Variants in SLC1A2 observed in about 807,000 individuals in gnomAD.
SLC1A2 encodes the protein solute carrier family 1 member 2.
A neutral mutation model predicts 48.8 loss-of-function variants in SLC1A2; 15 were observed. The observed-to-expected ratio is 0.31, with a 90% confidence interval of 0.21 to 0.47. The LOEUF (loss-of-function observed/expected upper bound fraction) is 0.47. Among genes scored for constraint, SLC1A2 ranks in the 20% least tolerant of loss-of-function variants. The probability of loss-of-function intolerance (pLI) is 0.99; values close to 1 mark genes in which losing one functional copy is unlikely to be tolerated. For missense variants in SLC1A2, 502 were observed against 730.5 expected (o/e 0.69, Z 3.61); for synonymous variants, 279 against 272.6 (o/e 1.02, Z -0.23).
chr11:35,308,974 A>G (rs1439867054), intron 4 of SLC1A2, among the ~76,000 whole-genome samples: 1 of 152,070 alleles, frequency 6.6e-6, no homozygotes, highest in East Asian at 1.9e-4. Context: ...TCCACTCACT[A>G]TACCTCCACA....
intron 8 of SLC1A2, among the ~76,000 whole-genome samples, chr11:35,282,873 G>A (rs1397949566): frequency 2.0e-5 from 3 of 152,116 alleles, no homozygotes; most frequent in Non-Finnish European, 2.9e-5. Flanking sequence ...CCTCCGGTAG[G>A]CACTGTCTCT....
At chr11:35,311,987 G>GA (rs1234341730) in intron 4 of SLC1A2, among the ~76,000 whole-genome samples, 2 of 131,240 alleles carry the variant, frequency 1.5e-5, no homozygotes, top group South Asian at 2.7e-4. Flanking sequence ...AAGTGAGCTG[G>GA]AAAAAAAGGG....
chr11:35,317,730 G>A (rs1009280916), intron 1 of SLC1A2, among the ~76,000 whole-genome samples: 7 of 152,306 alleles, frequency 4.6e-5, no homozygotes, highest in Middle Eastern at 6.8e-3. Context: ...AAGGAACACC[G>A]CATGCAATGG....
At chr11:35,370,594 C>T (rs994451529) in intron 1 of SLC1A2, among the ~76,000 whole-genome samples, 2 of 152,054 alleles carry the variant, frequency 1.3e-5, no homozygotes, top group African/African-American at 4.8e-5. Context: ...GCCCAAAGAA[C>T]AGAGTGAGTG....
intron 1 of SLC1A2, among the ~76,000 whole-genome samples, chr11:35,325,753 A>G (rs1852222666): frequency 6.6e-6 from 1 of 152,138 alleles, no homozygotes; most frequent in Non-Finnish European, 1.5e-5. Flanking sequence ...GCCTGAGGTC[A>G]GGAGTTTCAG....
rs1950283533 is a variant in SLC1A2, at chr11:35,254,264, T to C, written c.*6630A>G. 6.5e-6 allele frequency: 1 copy of C among 152,852 alleles called. No homozygotes were observed. Among genetic ancestry groups the C allele is most frequent in the African/African-American group, 2.4e-5 (1 of 41,454 alleles). The allele number at this position is 152,852 out of a possible 1,614,324, so 9.5% of individuals were successfully genotyped here. A position where few individuals can be genotyped will look rare whatever the true frequency, so the allele number is the denominator to read the frequency against. On this transcript the variant is annotated 3_prime_UTR_variant, in exon 11 of 11. Coordinates refer to ENST00000278379, the MANE Select transcript of SLC1A2 (RefSeq NM_004171.4). ...AAATCTCTATAGTGACCAGATAATCTGATCTGTGTTGTGCAACATGGAGAT... is the reference window on the plus strand; with the variant it reads ...AAATCTCTATAGTGACCAGATAATCCGATCTGTGTTGTGCAACATGGAGAT...
intron 9 of SLC1A2, among the ~76,000 whole-genome samples, chr11:35,277,819 G>A (rs1304075322): frequency 1.3e-5 from 2 of 152,190 alleles, no homozygotes; most frequent in Non-Finnish European, 2.9e-5. Flanking sequence ...GTGGTTAAGA[G>A]TAGCTCACAT....
intron 1 of SLC1A2, among the ~76,000 whole-genome samples, chr11:35,351,070 T>G (rs964927394): frequency 6.6e-6 from 1 of 152,220 alleles, no homozygotes; most frequent in Non-Finnish European, 1.5e-5. Context: ...AATATACTAA[T>G]GATGGCTAAC....
chr11:35,336,051 C>G (rs2135009769), intron 1 of SLC1A2, among the ~76,000 whole-genome samples: 1 of 152,092 alleles, frequency 6.6e-6, no homozygotes, highest in South Asian at 2.1e-4. Context: ...TTATCCTCAT[C>G]AAACTAATAC....
chr11:35,295,080 C>T (rs1244547341), intron 6 of SLC1A2, among the ~76,000 whole-genome samples: 2 of 151,918 alleles, frequency 1.3e-5, no homozygotes, highest in East Asian at 3.9e-4. Flanking sequence ...CAGAGTCTTG[C>T]TCTGTTAGCC....
rs1950284152 is a variant in SLC1A2 at position 35,254,336 on chromosome 11, G to C, written c.*6558C>G. 1 of 158,054 alleles carries C rather than the reference G, an allele frequency of 6.3e-6. No homozygotes were observed. The highest frequency in any genetic ancestry group is 2.4e-5 in the African/African-American group (1 of 41,474). 9.8% of individuals were successfully genotyped at this position (158,054 alleles called of 1,614,324 possible). On this transcript the variant is annotated 3_prime_UTR_variant, in exon 11 of 11. Coordinates refer to ENST00000278379, the MANE Select transcript of SLC1A2 (RefSeq NM_004171.4). ...AGAAAGAGAAAGGGAGGGAGTTAAG[G>C]TGATTTGTAGAAAAATCTAGATGCC...
chr11:35,396,527 TG>T (rs1366478957), intron 1 of SLC1A2, among the ~76,000 whole-genome samples: 3 of 149,332 alleles, frequency 2.0e-5, no homozygotes, highest in African/African-American at 7.4e-5. Flanking sequence ...TGGGGTTGTT[TG>T]TTTTTTTCTT....
chr11:35,356,101 G>A (rs984950157), intron 1 of SLC1A2, among the ~76,000 whole-genome samples: 2 of 152,118 alleles, frequency 1.3e-5, no homozygotes, highest in East Asian at 3.9e-4. Context: ...TTCTGAGCAG[G>A]TTGTAGGATG....
rs576247802 is a variant in SLC1A2, at chr11:35,389,618, G to A, written c.17+29332C>T. ...CCGGAGTAGCTGGGATTACAGGCAC[G>A]AGCCACTATGTCTGGCTAATTTTTG... On this transcript the variant is annotated intron_variant, in intron 1 of 10. Transcript: ENST00000278379. Among the ~76,000 whole-genome samples the A allele has an allele frequency of 7.4e-3, 1,123 of 152,018 alleles. 17 individuals carry two copies. The highest frequency in any genetic ancestry group is 0.026 in the African/African-American group (1,066 of 41,448).
intron 1 of SLC1A2, among the ~76,000 whole-genome samples, chr11:35,336,595 T>A (rs890316980): frequency 1.3e-5 from 2 of 152,218 alleles, no homozygotes; most frequent in African/African-American, 2.4e-5. Flanking sequence ...AGTGCTATTA[T>A]TATCCTCATT....
At chr11:35,387,564 G>A (rs542727374) in intron 1 of SLC1A2, among the ~76,000 whole-genome samples, 40 of 152,266 alleles carry the variant, frequency 2.6e-4, no homozygotes, top group Admixed American at 1.8e-3. Flanking sequence ...GAAAGTATTT[G>A]GTTGCCATGG....
In SLC1A2 at chr11:35,409,497, C is replaced by A. The variant is rs866491341; in HGVS notation, c.17+9453G>T. 1.2e-4 allele frequency among the ~76,000 whole-genome samples: 18 copies of A among 152,296 alleles called. No individual in the cohort carries two copies. In the Middle Eastern group the frequency reaches 0.014, roughly 115 times the overall value. On this transcript the variant is annotated intron_variant, in intron 1 of 10. Coordinates refer to ENST00000278379, the MANE Select transcript of SLC1A2 (RefSeq NM_004171.4). ...AGATTAATGTAACTAATTTCTCTCT[C>A]TATAGCAGGACTTTCAGATAACCAT...
At chr11:35,285,046 C>T (rs150615362) in intron 8 of SLC1A2, among the ~76,000 whole-genome samples, 20 of 152,272 alleles carry the variant, frequency 1.3e-4, no homozygotes, top group African/African-American at 4.3e-4. Context: ...CAGTGCTGCC[C>T]GGGGTTTGAA....
intron 5 of SLC1A2, among the ~76,000 whole-genome samples, chr11:35,304,832 T>C (rs1164354425): frequency 2.0e-5 from 3 of 152,356 alleles, no homozygotes; most frequent in African/African-American, 7.2e-5. Context: ...AGTATTATTA[T>C]GTCCCATGCA....
Sources: gnomAD v4.1 joint callset for allele counts (sites outside exome capture counted in the v4.1 genomes callset) on GRCh38, gnomAD v4.1.1 for gene constraint, MANE v1.5 for transcripts, NCBI Gene and HGNC (gene_info 2026-07-23, HGNC 2026-07-21) for gene names.